Variants in MYNN observed in about 807,000 individuals in gnomAD.
The protein encoded by MYNN is zinc finger and BTB domain-containing protein 31.
MYNN carries 22 observed loss-of-function variants against 57.2 expected under a neutral mutation model. The observed-to-expected ratio is 0.38, with a 90% CI of 0.27 to 0.55. MYNN has a LOEUF of 0.55. MYNN is among the 20% of genes least tolerant of loss of function. The pLI is 0.71. For synonymous variants in MYNN, 241 were observed against 257.1 expected (o/e 0.94, Z 0.60); for missense variants, 566 against 723.1 (o/e 0.78, Z 2.49).
At chr3:169,773,815 C>G (rs552625234) in intron 1 of MYNN, among the ~76,000 whole-genome samples, 2 of 152,314 alleles carry the variant, frequency 1.3e-5, no homozygotes, top group South Asian at 4.1e-4. Context: ...GGGCAGCCAC[C>G]TCTCGTTTTG....
chr3:169,779,054 G>A lies in MYNN; in HGVS notation c.553G>A (p.Ala185Thr). Residue 185 changes from alanine (A) to threonine (T), a missense_variant, in exon 3 of 8, where the codon GCT becomes ACT. Physicochemically the swap from Ala to Thr is moderately conservative, Grantham distance 58. Around this residue, in one of 4 missense-constraint regions of MYNN, gnomAD observed 261 missense variants for 280.8 expected, o/e 0.93. Coordinates refer to ENST00000349841, the MANE Select transcript of MYNN (RefSeq NM_018657.5). ...KSSQTKKKKK[A>T]FNSPKTGQNK... Reference sequence around the variant, plus strand: ...ATCTCAAACGAAAAAGAAGAAGAAGGCTTTCAACTCCCCGAAAACAGGGCA... The same window carrying A: ...ATCTCAAACGAAAAAGAAGAAGAAGACTTTCAACTCCCCGAAAACAGGGCA... 1 of 1,614,036 alleles carries A rather than the reference G, an allele frequency of 6.2e-7. No homozygotes were observed. Among genetic ancestry groups the A allele is most frequent in the South Asian group, 1.1e-5 (1 of 91,084 alleles).
At chr3:169,785,018 C>G (rs1778632456) in intron 7 of MYNN, among the ~76,000 whole-genome samples, 1 of 146,102 alleles carries the variant, frequency 6.8e-6, no homozygotes, top group African/African-American at 2.5e-5. Context: ...TCACTGTTTC[C>G]CATACTGGAG....
At chr3:169,776,891 G>A (rs1368940238) in intron 2 of MYNN, among the ~76,000 whole-genome samples, 2 of 151,848 alleles carry the variant, frequency 1.3e-5, no homozygotes, top group East Asian at 1.9e-4. Flanking sequence ...TTGTAGATAC[G>A]GGGTTTTACC....
intron 6 of MYNN, 39 bp downstream of exon 6, chr3:169,783,599 C>T (rs996414440): frequency 1.4e-6 from 2 of 1,412,026 alleles, no homozygotes; most frequent in African/African-American, 2.8e-5. Flanking sequence ...TTTGTTCTCT[C>T]TTAATTTCTT....
chr3:169,781,874 G>A (rs1297513850), intron 4 of MYNN, among the ~76,000 whole-genome samples: 1 of 152,138 alleles, frequency 6.6e-6, no homozygotes, highest in Non-Finnish European at 1.5e-5. Flanking sequence ...AGAGAATGGA[G>A]GAGCAAGTAA....
chr3:169,779,014 G>C lies in MYNN; in HGVS notation c.513G>C (p.Ala171=), dbSNP rs757802722. The C allele has an allele frequency of 6.2e-7, 1 of 1,613,742 alleles. No homozygotes were observed. The highest frequency in any genetic ancestry group is 1.1e-5 in the South Asian group (1 of 91,094). ...DLIQANPKQG[A]LAKKSSQTKK... is the part of the protein sequence containing the mutation. ...TTCAGGCAAATCCTAAACAAGGCGCGTTAGCGAAAAAGTCATCTCAAACGA... is the reference window on the plus strand; with the variant it reads ...TTCAGGCAAATCCTAAACAAGGCGCCTTAGCGAAAAAGTCATCTCAAACGA... Residue 171 remains alanine, a synonymous_variant, in exon 3 of 8, where the codon GCG becomes GCC. Coordinates refer to ENST00000349841, the MANE Select transcript of MYNN (RefSeq NM_018657.5).
At position 169,779,030 on chromosome 3, in the gene MYNN, T is replaced by A. The variant is rs1242858317; in HGVS notation, c.529T>A (p.Ser177Thr). The A allele has an allele frequency of 1.2e-6, 2 of 1,614,018 alleles. No homozygotes were observed. Among genetic ancestry groups the A allele is most frequent in the African/African-American group, 2.7e-5 (2 of 75,048 alleles). ...PKQGALAKKS[S>T]QTKKKKKAFN... The stretch of plus-strand genomic sequence containing the variant: ...ACAAGGCGCGTTAGCGAAAAAGTCA[T>A]CTCAAACGAAAAAGAAGAAGAAGGC... The change falls in exon 3 of 8, where the codon TCT becomes ACT. Residue 177 changes from serine to threonine, a missense_variant. Physicochemically the swap from Ser to Thr is moderately conservative, Grantham distance 58 (BLOSUM62 1). Coordinates refer to ENST00000349841, the MANE Select transcript of MYNN (RefSeq NM_018657.5).
In MYNN at chr3:169,786,862, A is replaced by G. The variant is rs1018741518; in HGVS notation, c.*184A>G. 22 of 601,836 alleles carry G rather than the reference A, an allele frequency of 3.7e-5. 1 individual carries two copies. Among genetic ancestry groups the G allele is most frequent in the African/African-American group, 1.7e-4 (9 of 54,016 alleles). The allele number at this position is 601,836 out of a possible 1,614,324, so 37.3% of individuals were successfully genotyped here. A position where few individuals can be genotyped will look rare whatever the true frequency, so the allele number is the denominator to read the frequency against. On this transcript the variant is annotated 3_prime_UTR_variant, in exon 8 of 8. Transcript: ENST00000349841. ...TGTTTTTATTTTTGGCTTTATGTCT[A>G]TACTCCACAGAGAGCTTTTTAAGTA...
In MYNN at chr3:169,789,653, A is replaced by G. The variant is rs1778767616; in HGVS notation, c.*2975A>G. ...AGGTGCGCGCCACCACACCTGACTAATTTTTGTTAGAGATGGGGTTTCATT... is the reference window on the plus strand; with the variant it reads ...AGGTGCGCGCCACCACACCTGACTAGTTTTTGTTAGAGATGGGGTTTCATT... On this transcript the variant is annotated 3_prime_UTR_variant, in exon 8 of 8. Coordinates refer to ENST00000349841, the MANE Select transcript of MYNN (RefSeq NM_018657.5). 1 of 152,030 alleles carries G rather than the reference A, an allele frequency of 6.6e-6. No individual in the cohort carries two copies. The highest frequency in any genetic ancestry group is 1.5e-5 in the Non-Finnish European group (1 of 68,036). The allele number at this position is 152,030 out of a possible 1,614,324, so 9.4% of individuals were successfully genotyped here.
chr3:169,774,558 A>T lies in MYNN; in HGVS notation c.263A>T (p.Asp88Val). 1 of 1,610,464 alleles carries T rather than the reference A, an allele frequency of 6.2e-7. No individual in the cohort carries two copies. The highest frequency in any genetic ancestry group is 8.5e-7 in the Non-Finnish European group (1 of 1,177,190). ...EFIYTGTLNLDSWNVKEIHQA... is the reference protein window; with the variant it reads ...EFIYTGTLNLVSWNVKEIHQA... ...ATATACACAGGAACTTTAAATCTTG[A>T]CAGGTAAAGTACACATTTTATTTTC... The change falls in exon 2 of 8, where the codon GAC becomes GTC. Residue 88 changes from aspartate to valine, a missense_variant. By Grantham distance (152) the Asp-to-Val change is radical. Coordinates refer to ENST00000349841, the MANE Select transcript of MYNN (RefSeq NM_018657.5).
At chr3:169,774,072 C>A (rs571627140) in intron 1 of MYNN, 193 bp from the exon 2 acceptor site, 2 of 551,954 alleles carry the variant, frequency 3.6e-6, no homozygotes. Context: ...ATTGATGTGT[C>A]CAAAGGATTG....
Position 169,782,735 on chromosome 3 carries a change from T to C in MYNN, c.1399+92T>C. 1 of 932,610 alleles carries C rather than the reference T, an allele frequency of 1.1e-6. No individual in the cohort carries two copies. The highest frequency in any genetic ancestry group is 1.6e-6 in the Non-Finnish European group (1 of 618,276). The allele number at this position is 932,610 out of a possible 1,614,324, so 57.8% of individuals were successfully genotyped here. A position where few individuals can be genotyped will look rare whatever the true frequency, so the allele number is the denominator to read the frequency against. ...TTTTAGCGAAGTAGATCGGAAACTT[T>C]GTAGTTAGATATCTGTTTATATTTC... is the stretch of plus-strand genomic sequence containing the variant. On this transcript the variant is annotated intron_variant, in intron 5 of 7. Coordinates refer to ENST00000349841, the MANE Select transcript of MYNN (RefSeq NM_018657.5). This position sits in a 1 kb window ranked among gnomAD's most constrained non-coding sequence, Gnocchi z 4.8.
At position 169,788,645 on chromosome 3, in the gene MYNN, A is replaced by G. The variant is rs1243695889; in HGVS notation, c.*1967A>G. 3 of 152,184 alleles carry G rather than the reference A, an allele frequency of 2.0e-5. No homozygotes were observed. The highest frequency in any genetic ancestry group is 4.8e-5 in the African/African-American group (2 of 41,466). 9.4% of individuals were successfully genotyped at this position (152,184 alleles called of 1,614,324 possible). On this transcript the variant is annotated 3_prime_UTR_variant, in exon 8 of 8. Coordinates refer to ENST00000349841, the MANE Select transcript of MYNN (RefSeq NM_018657.5). Reference sequence around the variant, plus strand: ...TTATTAGCATTCTGCCTTTGCATAGATTAGCCTTCAAATTTATTATTTTTA... The same window carrying G: ...TTATTAGCATTCTGCCTTTGCATAGGTTAGCCTTCAAATTTATTATTTTTA...
rs1778437501 is a variant in MYNN at position 169,779,156 on chromosome 3, C to G, written c.655C>G (p.Pro219Ala). ...ATTATTCCTAGATGCAAATAAACTG[C>G]CCACACCTGTAGTAGAACAAGTTGC... is the stretch of plus-strand genomic sequence containing the variant. ...VELFLDANKL[P>A]TPVVEQVAQI... Residue 219 changes from proline to alanine, a missense_variant, in exon 3 of 8, where the codon CCC becomes GCC. By Grantham distance (27) the Pro-to-Ala change is conservative. Transcript: ENST00000349841. The G allele has an allele frequency of 6.2e-7, 1 of 1,614,030 alleles. No individual in the cohort carries two copies. The highest frequency in any genetic ancestry group is 1.7e-5 in the Admixed American group (1 of 59,998).
chr3:169,787,906 AT>A lies in MYNN; in HGVS notation c.*1229del, dbSNP rs1778717604. On this transcript the variant is annotated 3_prime_UTR_variant, in exon 8 of 8. Transcript: ENST00000349841. ...CTGCCTGATCTTTGGATATGAAATTATGAGTTCCACAAAGTCAATTTTTATA... is the reference window on the plus strand; with the variant it reads ...CTGCCTGATCTTTGGATATGAAATTAGAGTTCCACAAAGTCAATTTTTATA... The A allele has an allele frequency of 6.6e-6, 1 of 152,104 alleles. No homozygotes were observed. 9.4% of individuals were successfully genotyped at this position (152,104 alleles called of 1,614,324 possible). A position where few individuals can be genotyped will look rare whatever the true frequency, so the allele number is the denominator to read the frequency against.
At chr3:169,778,276 A>C (rs943179043) in intron 2 of MYNN, 1 of 154,680 alleles carries the variant, frequency 6.5e-6, no homozygotes, top group South Asian at 2.0e-4. Flanking sequence ...ATCTACATTT[A>C]ACAAGATTCC....
At chr3:169,775,540 T>C (rs1369959216) in intron 2 of MYNN, among the ~76,000 whole-genome samples, 2 of 152,192 alleles carry the variant, frequency 1.3e-5, no homozygotes, top group African/African-American at 4.8e-5. Context: ...GGCCTCAGTT[T>C]CCCCATCTGT....
At position 169,786,749 on chromosome 3, in the gene MYNN, TATTAA is replaced by T; in HGVS notation, c.*75_*79del. 1 of 1,430,560 alleles carries T rather than the reference TATTAA, an allele frequency of 7.0e-7. No homozygotes were observed. Among genetic ancestry groups the T allele is most frequent in the Admixed American group, 2.1e-5 (1 of 48,604 alleles). The allele number at this position is 1,430,560 out of a possible 1,614,324, so 88.6% of individuals were successfully genotyped here. The stretch of plus-strand genomic sequence containing the variant: ...ATCTCTGGTAAGGTGCATATATTCA[TATTAA>T]ATTCCCATTCATTTGAGTTGTGACC... On this transcript the variant is annotated 3_prime_UTR_variant, in exon 8 of 8. Transcript: ENST00000349841.
At chr3:169,775,042 G>A (rs1178288974) in intron 2 of MYNN, among the ~76,000 whole-genome samples, 1 of 152,026 alleles carries the variant, frequency 6.6e-6, no homozygotes, top group Non-Finnish European at 1.5e-5. Flanking sequence ...GTTTCACCAT[G>A]CTGGCCAGGC....
Sources: allele counts gnomAD v4.1 joint callset (sites outside exome capture counted in the v4.1 genomes callset), GRCh38; gene constraint gnomAD v4.1.1; regional missense constraint gnomAD v4.1.1; non-coding constraint Gnocchi (gnomAD v3.1); transcripts MANE v1.5; gene names NCBI Gene and HGNC (gene_info 2026-07-23, HGNC 2026-07-21).